GNG12: variants seen among roughly 807,000 people sequenced by gnomAD.
GNG12 encodes guanine nucleotide-binding protein G(I)/G(S)/G(O) subunit gamma-12.
For missense variants in GNG12, 69 were observed against 83.8 expected, an observed-to-expected ratio of 0.82 and a Z score of 0.69; for synonymous variants, 28 against 29.7, an observed-to-expected ratio of 0.94 and a Z score of 0.19.
At chr1:67,798,292 A>C (rs1006423876) in intron 1 of GNG12, among the ~76,000 whole-genome samples, 1 of 152,094 alleles carries the variant, frequency 6.6e-6, no homozygotes, top group Non-Finnish European at 1.5e-5. Flanking sequence ...GCATGCGCAG[A>C]ATCTAGGTTG....
intron 2 of GNG12, among the ~76,000 whole-genome samples, chr1:67,740,787 T>C (rs940269401): frequency 6.6e-6 from 1 of 152,152 alleles, no homozygotes; most frequent in African/African-American, 2.4e-5. Flanking sequence ...TTGTGGTACA[T>C]AGCAAGAAGG....
intron 2 of GNG12, among the ~76,000 whole-genome samples, chr1:67,763,545 T>G (rs79877498): frequency 6.6e-6 from 1 of 151,338 alleles, no homozygotes. Context: ...TTTTTTTTTT[T>G]GGTAAGAGAC....
intron 3 of GNG12, among the ~76,000 whole-genome samples, chr1:67,705,795 T>C (rs1346756142): frequency 6.6e-6 from 1 of 152,184 alleles, no homozygotes; most frequent in Non-Finnish European, 1.5e-5. Context: ...CCAAGCAACT[T>C]AACAATGGTC....
chr1:67,719,359 G>A (rs986952073), intron 2 of GNG12, among the ~76,000 whole-genome samples: 4 of 152,214 alleles, frequency 2.6e-5, no homozygotes, highest in African/African-American at 4.8e-5. Context: ...ACATCTTATG[G>A]GTTCAAGGAT....
chr1:67,766,106 G>GCGCACA (rs1237928914), intron 2 of GNG12, among the ~76,000 whole-genome samples: 10 of 139,834 alleles, frequency 7.2e-5, no homozygotes, highest in South Asian at 2.3e-4. Context: ...AGGCACACAC[G>GCGCACA]CACACACACA....
chr1:67,743,393 A>G (rs1646493152), intron 2 of GNG12, among the ~76,000 whole-genome samples: 1 of 152,252 alleles, frequency 6.6e-6, no homozygotes, highest in Non-Finnish European at 1.5e-5. Context: ...CTTTGGTAAC[A>G]ATAAAAACTG....
chr1:67,754,105 C>T (rs1646554554), intron 2 of GNG12, among the ~76,000 whole-genome samples: 1 of 152,168 alleles, frequency 6.6e-6, no homozygotes, highest in African/African-American at 2.4e-5. Flanking sequence ...AGCTCCCCAC[C>T]TCTGCGCATG....
intron 1 of GNG12, among the ~76,000 whole-genome samples, chr1:67,808,288 A>C (rs1646904670): frequency 6.6e-6 from 1 of 152,116 alleles, no homozygotes; most frequent in Non-Finnish European, 1.5e-5. Context: ...AAACTATGTA[A>C]ACTAAAAATA....
intron 1 of GNG12, among the ~76,000 whole-genome samples, chr1:67,831,061 A>G (rs960370601): frequency 6.6e-6 from 1 of 152,230 alleles, no homozygotes; most frequent in African/African-American, 2.4e-5. Flanking sequence ...ATTTTCATCT[A>G]AGTCTGTCTG....
intron 1 of GNG12, among the ~76,000 whole-genome samples, chr1:67,800,773 C>G (rs1208594302): frequency 6.6e-6 from 1 of 152,140 alleles, no homozygotes; most frequent in Non-Finnish European, 1.5e-5. Context: ...TTTGTAACAT[C>G]ATTCCAAATG....
chr1:67,818,174 G>A (rs1479417404), intron 1 of GNG12, among the ~76,000 whole-genome samples: 1 of 152,140 alleles, frequency 6.6e-6, no homozygotes, highest in Non-Finnish European at 1.5e-5. Flanking sequence ...TGGTTTGAAG[G>A]AAACATTTTC....
rs1432333965 is a variant in GNG12 at position 67,705,058 on chromosome 1, A to T, written c.*393T>A. 1 of 166,182 alleles carries T rather than the reference A, an allele frequency of 6.0e-6. No individual in the cohort carries two copies. Among genetic ancestry groups the T allele is most frequent in the African/African-American group, 2.4e-5 (1 of 41,578 alleles). 10.3% of individuals were successfully genotyped at this position (166,182 alleles called of 1,614,324 possible). A position where few individuals can be genotyped will look rare whatever the true frequency, so the allele number is the denominator to read the frequency against. Reference sequence around the variant, plus strand: ...TGGCACACGCCTTATAAAGAATATAATATCAAGGCTTTAGGATTTCAATGA... The same window carrying T: ...TGGCACACGCCTTATAAAGAATATATTATCAAGGCTTTAGGATTTCAATGA... On this transcript the variant is annotated 3_prime_UTR_variant, in exon 4 of 4. Coordinates refer to ENST00000370982, the MANE Select transcript of GNG12 (RefSeq NM_018841.6).
intron 2 of GNG12, among the ~76,000 whole-genome samples, chr1:67,763,121 A>AGAGAGAGAGAGAGAGAGAC (rs1646616460): frequency 3.9e-5 from 1 of 25,866 alleles, no homozygotes; most frequent in Non-Finnish European, 9.5e-5. Context: ...GAGAGAGAGA[A>AGAGAGAGAGAGAGAGAGAC]TCAATATGAA....
intron 2 of GNG12, among the ~76,000 whole-genome samples, chr1:67,743,639 C>T (rs552082124): frequency 6.6e-6 from 1 of 152,276 alleles, no homozygotes; most frequent in African/African-American, 2.4e-5. Context: ...TCCTGACTGC[C>T]CCCTACCTCC....
At chr1:67,730,844 T>C (rs557918200) in intron 2 of GNG12, among the ~76,000 whole-genome samples, 33 of 152,348 alleles carry the variant, frequency 2.2e-4, no homozygotes, top group African/African-American at 7.9e-4. Context: ...AATACGGCTG[T>C]AATCTATTGT....
At chr1:67,804,132 T>C (rs1646881869) in intron 1 of GNG12, among the ~76,000 whole-genome samples, 1 of 152,168 alleles carries the variant, frequency 6.6e-6, no homozygotes, top group Non-Finnish European at 1.5e-5. Context: ...AGAAATCCTG[T>C]TCCCACTGGG....
At chr1:67,706,872 C>G (rs912500784) in intron 3 of GNG12, among the ~76,000 whole-genome samples, 1 of 152,052 alleles carries the variant, frequency 6.6e-6, no homozygotes, top group African/African-American at 2.4e-5. Context: ...GTTGGTCAGG[C>G]TGGTCTCGAA....
At chr1:67,738,110 G>T (rs1557601161) in intron 2 of GNG12, among the ~76,000 whole-genome samples, 3 of 151,896 alleles carry the variant, frequency 2.0e-5, no homozygotes, top group African/African-American at 7.3e-5. Context: ...TTTTTTGTTT[G>T]TTTTTTGGTA....
intron 2 of GNG12, among the ~76,000 whole-genome samples, chr1:67,764,930 G>A (rs567494718): frequency 1.3e-5 from 2 of 152,130 alleles, no homozygotes; most frequent in Non-Finnish European, 2.9e-5. Flanking sequence ...AAATATATCC[G>A]TCTTTCTCCA....
Sources: gnomAD v4.1 joint callset for allele counts (sites outside exome capture counted in the v4.1 genomes callset) on GRCh38, gnomAD v4.1.1 for gene constraint, MANE v1.5 for transcripts, NCBI Gene and HGNC (gene_info 2026-07-23, HGNC 2026-07-21) for gene names.